The following ABCG2 variants were observed in gnomAD, a reference collection of about 807,000 sequenced individuals.
ABCG2 encodes the protein ATP binding cassette subfamily G member 2 (JR blood group).
Under a neutral mutation model 73.5 loss-of-function variants are expected in ABCG2, and 80 were observed. The ratio of observed to expected loss-of-function variants is 1.09; its 90% confidence interval spans 0.91 to 1.31. The LOEUF is 1.31. ABCG2 is among the 50% of genes most tolerant of loss of function. ABCG2 has a pLI of 0.00. For synonymous variants in ABCG2, 269 were observed against 282.4 expected (o/e 0.95, Z 0.48); for missense variants, 796 against 786.2 (o/e 1.01, Z -0.15).
Position 88,095,624 on chromosome 4 carries a change from T to TTCG in ABCG2, c.1648-16_1648-15insCGA, listed in dbSNP as rs1252843360. Reference sequence around the variant, plus strand: ...CCTGAAAAAATCTACAAAAAGCAAATACTAAAAGTCAGGCCTGCTTGAGTA... The same window carrying TTCG: ...CCTGAAAAAATCTACAAAAAGCAAATTCGACTAAAAGTCAGGCCTGCTTGAGTA... On this transcript the variant is annotated splice_polypyrimidine_tract_variant and intron_variant, in intron 13 of 15. Transcript: ENST00000237612. The TTCG allele has an allele frequency of 1.9e-6, 3 of 1,607,240 alleles. No homozygotes were observed. Among genetic ancestry groups the TTCG allele is most frequent in the Non-Finnish European group, 2.6e-6 (3 of 1,173,984 alleles).
chr4:88,207,327 A>G (rs531298127), intron 1 of ABCG2, among the ~76,000 whole-genome samples: 10 of 152,314 alleles, frequency 6.6e-5, no homozygotes, highest in African/African-American at 2.2e-4. Context: ...ACATTTTAAC[A>G]TTATCATCAG....
intron 1 of ABCG2, among the ~76,000 whole-genome samples, chr4:88,204,812 A>G (rs1729318159): frequency 3.9e-5 from 6 of 152,234 alleles, no homozygotes; most frequent in Admixed American, 3.9e-4. Flanking sequence ...GAGAAGGATT[A>G]ATTGTATTGT....
intron 1 of ABCG2, among the ~76,000 whole-genome samples, chr4:88,169,477 A>G (rs1452879861): frequency 6.6e-6 from 1 of 152,120 alleles, no homozygotes; most frequent in Non-Finnish European, 1.5e-5. Flanking sequence ...GTACAGTGTA[A>G]TTTATTTATC....
chr4:88,211,358 G>C (rs1327979437), intron 1 of ABCG2, among the ~76,000 whole-genome samples: 1,188 of 33,308 alleles, frequency 0.036, 8 homozygotes, highest in Non-Finnish European at 0.037. Flanking sequence ...TTCAACCCCT[G>C]CCCCACCCCC....
intron 1 of ABCG2, among the ~76,000 whole-genome samples, chr4:88,185,938 A>G (rs531889140): frequency 2.4e-4 from 36 of 152,338 alleles, no homozygotes; most frequent in African/African-American, 8.7e-4. Flanking sequence ...ACTATGGAGA[A>G]TAGTTTGGAG....
At chr4:88,149,406 G>A (rs534977630) in intron 1 of ABCG2, among the ~76,000 whole-genome samples, 2 of 152,210 alleles carry the variant, frequency 1.3e-5, no homozygotes, top group African/African-American at 2.4e-5. Context: ...TTTCCCAGAG[G>A]GAACGGAGAT....
At chr4:88,155,787 T>C (rs976084769) in intron 1 of ABCG2, among the ~76,000 whole-genome samples, 2 of 151,768 alleles carry the variant, frequency 1.3e-5, no homozygotes, top group Non-Finnish European at 2.9e-5. Flanking sequence ...ATGCCTGTAA[T>C]CCCTGCTACT....
At chr4:88,225,933 A>G (rs918082905) in intron 1 of ABCG2, among the ~76,000 whole-genome samples, 1 of 152,190 alleles carries the variant, frequency 6.6e-6, no homozygotes, top group Admixed American at 6.5e-5. Context: ...TTATAAAACC[A>G]TCAGATCTTG....
At chr4:88,225,469 A>C (rs1238226495) in intron 1 of ABCG2, among the ~76,000 whole-genome samples, 1 of 152,198 alleles carries the variant, frequency 6.6e-6, no homozygotes, top group African/African-American at 2.4e-5. Context: ...GAAAGGGGCA[A>C]GGGCCAGATC....
chr4:88,168,795 C>T (rs1338633450), intron 1 of ABCG2, among the ~76,000 whole-genome samples: 2 of 151,554 alleles, frequency 1.3e-5, no homozygotes, highest in Admixed American at 6.6e-5. Context: ...CAAAAAAGTA[C>T]AGGAAATCTA....
At chr4:88,211,621 G>A (rs1218968510) in intron 1 of ABCG2, among the ~76,000 whole-genome samples, 2 of 152,130 alleles carry the variant, frequency 1.3e-5, no homozygotes, top group African/African-American at 2.4e-5. Flanking sequence ...GTTTCACTGT[G>A]TTAGCCAGGA....
At chr4:88,227,051 G>T (rs901239270) in intron 1 of ABCG2, among the ~76,000 whole-genome samples, 1 of 152,098 alleles carries the variant, frequency 6.6e-6, no homozygotes, top group Non-Finnish European at 1.5e-5. Flanking sequence ...AGTGAGCCTT[G>T]TTCATGCCAC....
At chr4:88,154,555 A>T (rs1239217557) in intron 1 of ABCG2, among the ~76,000 whole-genome samples, 2 of 152,182 alleles carry the variant, frequency 1.3e-5, no homozygotes, top group Non-Finnish European at 2.9e-5. Context: ...GGTGAGTGGC[A>T]ATTAGGACTG....
At chr4:88,197,228 C>T (rs547288139) in intron 1 of ABCG2, among the ~76,000 whole-genome samples, 24 of 147,820 alleles carry the variant, frequency 1.6e-4, no homozygotes, top group African/African-American at 6.0e-4. Context: ...TACTAAAAGG[C>T]AAAAAATAGT....
intron 1 of ABCG2, among the ~76,000 whole-genome samples, chr4:88,170,198 C>A (rs1436355006): frequency 6.6e-6 from 1 of 151,758 alleles, no homozygotes; most frequent in Non-Finnish European, 1.5e-5. Context: ...TTGAGACAAA[C>A]CACAGATGTG....
At chr4:88,171,768 G>A (rs1224545220) in intron 1 of ABCG2, among the ~76,000 whole-genome samples, 1 of 152,078 alleles carries the variant, frequency 6.6e-6, no homozygotes, top group African/African-American at 2.4e-5. Flanking sequence ...ATCTGGGAAA[G>A]TTTGTGTTTG....
upstream of ABCG2, among the ~76,000 whole-genome samples, chr4:88,162,921 T>C (rs1030503823): frequency 2.0e-5 from 3 of 152,136 alleles, no homozygotes; most frequent in Non-Finnish European, 2.9e-5. Context: ...AGGCCCCATA[T>C]TGAGACTCCT....
chr4:88,098,761 T>C (rs1156918525), intron 12 of ABCG2, among the ~76,000 whole-genome samples: 3 of 152,118 alleles, frequency 2.0e-5, no homozygotes, highest in African/African-American at 7.2e-5. Flanking sequence ...ATAAATTCTT[T>C]CCATGTTTGT....
At chr4:88,188,244 G>A (rs13147650) in intron 1 of ABCG2, among the ~76,000 whole-genome samples, 43,174 of 151,962 alleles carry the variant, frequency 0.28, 6,755 homozygotes, top group Middle Eastern at 0.42. Flanking sequence ...ATCCTTTCCC[G>A]ACTGAATTAG....
Sources: gnomAD v4.1 joint callset for allele counts (sites outside exome capture counted in the v4.1 genomes callset) on GRCh38, gnomAD v4.1.1 for gene constraint, MANE v1.5 for transcripts, NCBI Gene and HGNC (gene_info 2026-07-23, HGNC 2026-07-21) for gene names.